The following AMZ2 variants were observed in gnomAD, a reference collection of about 807,000 sequenced individuals.
AMZ2 encodes the protein archaelysin family metallopeptidase 2.
Under a neutral mutation model 36.7 loss-of-function variants are expected in AMZ2, and 26 were observed. The observed-to-expected ratio is 0.71, with a 90% CI of 0.52 to 0.98. AMZ2 has a LOEUF of 0.98. Among genes scored for constraint, AMZ2 ranks in the 50% least tolerant of loss-of-function variants. The pLI, the probability that AMZ2 is intolerant of heterozygous loss-of-function variation, is 0.00. For synonymous variants in AMZ2, 144 were observed against 149.1 expected (o/e 0.97, Z 0.25); for missense variants, 394 against 430.5 (o/e 0.92, Z 0.75).
chr17:68,217,737 A>G (rs1555727625), intron 1 of AMZ2, among the ~76,000 whole-genome samples: 1 of 152,084 alleles, frequency 6.6e-6, no homozygotes, highest in East Asian at 1.9e-4. Context: ...TAAGTTTTCC[A>G]TTATTGCTTT....
chr17:68,252,390 C>T (rs112645358), intron 4 of AMZ2, among the ~76,000 whole-genome samples: 5,825 of 152,318 alleles, frequency 0.038, 169 homozygotes, highest in East Asian at 0.12. Flanking sequence ...CTCTTGGAGA[C>T]GTGGGTCACT....
intron 1 of AMZ2, among the ~76,000 whole-genome samples, chr17:68,228,629 T>C (rs2073576745): frequency 6.6e-6 from 1 of 152,254 alleles, no homozygotes; most frequent in Non-Finnish European, 1.5e-5. Context: ...CCTGTGGAGA[T>C]AGCTTCAGTG....
intron 1 of AMZ2, among the ~76,000 whole-genome samples, chr17:68,209,581 G>GTGT (rs2072955587): frequency 2.6e-4 from 28 of 106,956 alleles, no homozygotes; most frequent in African/African-American, 9.8e-4. Context: ...AATAATTGTG[G>GTGT]GTGTGTGTGT....
intron 1 of AMZ2, among the ~76,000 whole-genome samples, chr17:68,220,125 G>C (rs1555728142): frequency 6.6e-6 from 1 of 152,194 alleles, no homozygotes; most frequent in Non-Finnish European, 1.5e-5. Flanking sequence ...CACAAAGTTA[G>C]CAAAGAGATT....
At chr17:68,225,829 G>T (rs1555729740) in intron 1 of AMZ2, among the ~76,000 whole-genome samples, 1 of 152,024 alleles carries the variant, frequency 6.6e-6, no homozygotes, top group Non-Finnish European at 1.5e-5. Context: ...TCACCATGTT[G>T]TCCAGGCCGG....
chr17:68,250,079 A>G lies in AMZ2; in HGVS notation c.1-109A>G, dbSNP rs1333612714. On this transcript the variant is annotated intron_variant, in intron 1 of 6. Transcript: ENST00000359904. ...GTGTGACCACTCTAAAGCATTAGCA[A>G]TCAGTCATTTCACTCTAGGGAGAAA... The G allele has an allele frequency of 4.5e-5, 53 of 1,189,190 alleles. 1 individual carries two copies. The African/African-American group carries it at 5.2e-4, about 12-fold the overall frequency. 73.7% of individuals were successfully genotyped at this position (1,189,190 alleles called of 1,614,324 possible). A position where few individuals can be genotyped will look rare whatever the true frequency, so the allele number is the denominator to read the frequency against.
At chr17:68,213,261 C>T (rs531839913) in intron 1 of AMZ2, among the ~76,000 whole-genome samples, 3 of 152,270 alleles carry the variant, frequency 2.0e-5, no homozygotes, top group African/African-American at 7.2e-5. Context: ...TGCCTGGCCT[C>T]TTCATAAGGA....
At chr17:68,214,707 T>A (rs1469063209) in intron 1 of AMZ2, among the ~76,000 whole-genome samples, 2 of 152,198 alleles carry the variant, frequency 1.3e-5, no homozygotes, top group Non-Finnish European at 2.9e-5. Context: ...GCTGAGGCAG[T>A]AATCACTTGT....
chr17:68,250,449 A>G lies in AMZ2; in HGVS notation c.262A>G (p.Ser88Gly), dbSNP rs369609110. Residue 88 changes from serine (S) to glycine (G), a missense_variant, in exon 2 of 7, where the codon AGC becomes GGC. Coordinates refer to ENST00000359904, the MANE Select transcript of AMZ2 (RefSeq NM_016627.5). Reference protein sequence around the residue: ...YRKTPSPNKRSIYIQSIGSLG... With the variant: ...YRKTPSPNKRGIYIQSIGSLG... ...AAAGACACCCTCTCCAAACAAACGC[A>G]GCATTTATATACAGTCCATTGGTAA... 6.4e-5 allele frequency: 103 copies of G among 1,613,984 alleles called. No homozygotes were observed. The highest frequency in any genetic ancestry group is 8.6e-5 in the Non-Finnish European group (102 of 1,180,022).
At chr17:68,252,169 G>A (rs564610762) in intron 4 of AMZ2, among the ~76,000 whole-genome samples, 149 of 152,340 alleles carry the variant, frequency 9.8e-4, no homozygotes, top group Non-Finnish European at 1.9e-3. Flanking sequence ...GGGATGGGGA[G>A]TAAGTACAGG....
chr17:68,215,727 G>T (rs2073178795), intron 1 of AMZ2, among the ~76,000 whole-genome samples: 1 of 142,224 alleles, frequency 7.0e-6, no homozygotes, highest in Non-Finnish European at 1.6e-5. Context: ...CATCAGGATG[G>T]CTGGGAACAA....
Position 68,231,088 on chromosome 17 carries a change from G to A in AMZ2, c.-66-17552G>A, listed in dbSNP as rs529968232. On this transcript the variant is annotated intron_variant, in intron 1 of 7. Transcript: ENST00000674770. ...AATTTCTTTTTTTTTTCCCAAGACCGGGTCTCCCTTTGTCGTCCAGGCTGG... is the reference window on the plus strand; with the variant it reads ...AATTTCTTTTTTTTTTCCCAAGACCAGGTCTCCCTTTGTCGTCCAGGCTGG... 1.9e-4 allele frequency among the ~76,000 whole-genome samples: 28 copies of A among 148,672 alleles called. 2 individuals carry two copies. The South Asian group carries it at 5.1e-3, about 27-fold the overall frequency.
At chr17:68,248,879 C>A in intron 1 of AMZ2, 174 bp downstream of exon 1, 1 of 685,084 alleles carries the variant, frequency 1.5e-6, no homozygotes, top group Non-Finnish European at 1.9e-6. Flanking sequence ...TTTATAGGTT[C>A]AATCAGAACA....
intron 4 of AMZ2, 158 bp downstream of exon 4, chr17:68,251,336 T>C (rs1401041600): frequency 4.8e-6 from 4 of 830,448 alleles, no homozygotes; most frequent in Admixed American, 3.1e-5. Context: ...TGTTGGTAGA[T>C]TGTGATAATC....
intron 1 of AMZ2, chr17:68,206,766 T>A (rs1461424337): frequency 6.6e-6 from 1 of 152,248 alleles, no homozygotes; most frequent in African/African-American, 2.4e-5. Context: ...TGTTTTCACA[T>A]CCCTAGCTGT....
chr17:68,248,067 G>GCGCGTGAGGGCTGC lies in AMZ2; in HGVS notation c.-634_-621dup, dbSNP rs1211634902. 1.0e-6 allele frequency: 1 copy of GCGCGTGAGGGCTGC among 986,030 alleles called. No individual in the cohort carries two copies. Among genetic ancestry groups the GCGCGTGAGGGCTGC allele is most frequent in the African/African-American group, 1.7e-5 (1 of 57,262 alleles). 61.1% of individuals were successfully genotyped at this position (986,030 alleles called of 1,614,324 possible). ...CAGTGCGAAGGGACGCGGTGCGCAT[G>GCGCGTGAGGGCTGC]CGCGTGAGGGCTGCCGCGGGTGGGT... is the stretch of plus-strand genomic sequence containing the variant. On this transcript the variant is annotated 5_prime_UTR_variant, in exon 1 of 7. The change creates a premature stop within an existing upstream ORF in the 5' untranslated region. Transcript: ENST00000359904.
rs1555732328 is a variant in AMZ2 at position 68,235,569 on chromosome 17, G to A, written c.-66-13071G>A. Among the ~76,000 whole-genome samples the A allele has an allele frequency of 6.6e-6, 1 of 152,228 alleles. No individual in the cohort carries two copies. The highest frequency in any genetic ancestry group is 2.4e-5 in the African/African-American group (1 of 41,554). On this transcript the variant is annotated intron_variant, in intron 1 of 7. Transcript: ENST00000674770. The surrounding 1 kb of genome is among the most constrained non-coding windows in gnomAD (Gnocchi z 4.2). Reference sequence around the variant, plus strand: ...AGTAGGTTGGCTTCCCCCTTACGGAGCCCCTATCCGGGACAGCCTCAATCC... The same window carrying A: ...AGTAGGTTGGCTTCCCCCTTACGGAACCCCTATCCGGGACAGCCTCAATCC...
chr17:68,247,817 ACTGC>A, upstream of AMZ2: 1 of 985,556 alleles, frequency 1.0e-6, no homozygotes, highest in Non-Finnish European at 1.2e-6. Flanking sequence ...GGAATCGGCG[ACTGC>A]GGGGGTGGAC....
chr17:68,221,212 C>T (rs1188683134), intron 1 of AMZ2, among the ~76,000 whole-genome samples: 1 of 80,934 alleles, frequency 1.2e-5, no homozygotes, highest in Non-Finnish European at 2.5e-5. Flanking sequence ...CCTCAGCTCC[C>T]CCCCCCGCCC....
Sources: allele counts gnomAD v4.1 joint callset (sites outside exome capture counted in the v4.1 genomes callset), GRCh38; gene constraint gnomAD v4.1.1; non-coding constraint Gnocchi (gnomAD v3.1); transcripts MANE v1.5; gene names NCBI Gene and HGNC (gene_info 2026-07-23, HGNC 2026-07-21).